SPAG16: variants seen among roughly 807,000 people sequenced by gnomAD.
SPAG16 encodes the protein sperm associated antigen 16, also known as sperm-associated antigen 16 protein.
In SPAG16, 86 loss-of-function variants were observed where a neutral mutation model predicts 80.4. The observed-to-expected ratio is 1.07, with a 90% confidence interval of 0.90 to 1.28. The LOEUF (loss-of-function observed/expected upper bound fraction) is 1.28. Ranked by LOEUF, SPAG16 falls within the 50% of genes most tolerant of loss-of-function variation. The probability of loss-of-function intolerance (pLI) is 0.00; values close to 1 mark genes in which losing one functional copy is unlikely to be tolerated. For missense variants in SPAG16, 870 were observed against 765.3 expected (o/e 1.14, Z -1.61); for synonymous variants, 294 against 265.9 (o/e 1.11, Z -1.03).
chr2:214,231,732 A>G (rs1273953449), intron 15 of SPAG16, among the ~76,000 whole-genome samples: 2 of 152,036 alleles, frequency 1.3e-5, no homozygotes, highest in East Asian at 3.9e-4. Flanking sequence ...AAGAGGCATT[A>G]TATTTTCCTT....
chr2:214,332,489 T>C (rs906624752), intron 15 of SPAG16, among the ~76,000 whole-genome samples: 6 of 152,190 alleles, frequency 3.9e-5, no homozygotes, highest in African/African-American at 1.4e-4. Context: ...TCTTTGATGG[T>C]AGATGCTCTC....
intron 15 of SPAG16, among the ~76,000 whole-genome samples, chr2:214,175,302 A>AAT (rs1338809385): frequency 7.2e-5 from 5 of 69,400 alleles, no homozygotes; most frequent in Non-Finnish European, 1.8e-4. Context: ...TATATAAAGA[A>AAT]ATATATATAT....
chr2:214,023,164 T>TAA (rs1293163955), intron 13 of SPAG16, among the ~76,000 whole-genome samples: 1 of 152,016 alleles, frequency 6.6e-6, no homozygotes, highest in African/African-American at 2.4e-5. Flanking sequence ...GGTAATCACT[T>TAA]ATGTTCAACA....
At chr2:214,056,892 T>A (rs936865494) in intron 13 of SPAG16, among the ~76,000 whole-genome samples, 1 of 152,154 alleles carries the variant, frequency 6.6e-6, no homozygotes, top group Non-Finnish European at 1.5e-5. Context: ...TCCCCAGGAG[T>A]AGATTCCATC....
intron 3 of SPAG16, among the ~76,000 whole-genome samples, chr2:213,303,971 T>C (rs957576290): frequency 6.6e-6 from 1 of 152,140 alleles, no homozygotes; most frequent in Non-Finnish European, 1.5e-5. Context: ...CTGTTCTTTA[T>C]AGTGGTTGTA....
chr2:213,845,619 A>G (rs1300131915), intron 10 of SPAG16, among the ~76,000 whole-genome samples: 2 of 152,234 alleles, frequency 1.3e-5, no homozygotes, highest in African/African-American at 4.8e-5. Flanking sequence ...TTTATGATAC[A>G]GTGTTATAAA....
intron 10 of SPAG16, among the ~76,000 whole-genome samples, chr2:213,556,629 C>T (rs2059434926): frequency 6.6e-6 from 1 of 151,990 alleles, no homozygotes; most frequent in South Asian, 2.1e-4. Context: ...AAAGAGGCTG[C>T]AATACAATAA....
At chr2:213,558,174 T>A (rs2059488099) in intron 10 of SPAG16, among the ~76,000 whole-genome samples, 1 of 152,150 alleles carries the variant, frequency 6.6e-6, no homozygotes, top group Non-Finnish European at 1.5e-5. Flanking sequence ...CCTGATAAAG[T>A]AACTATGTGA....
At chr2:213,670,101 C>T (rs192000461) in intron 10 of SPAG16, among the ~76,000 whole-genome samples, 53 of 152,012 alleles carry the variant, frequency 3.5e-4, no homozygotes, top group African/African-American at 1.2e-3. Context: ...GGGTTCACGC[C>T]CTTCTGCCTC....
intron 14 of SPAG16, among the ~76,000 whole-genome samples, chr2:214,140,943 G>T (rs1415728159): frequency 7.7e-5 from 7 of 90,492 alleles, no homozygotes; most frequent in South Asian, 1.1e-3. Context: ...TGGGGGGGGG[G>T]GGGTGGGGGG....
chr2:214,109,628 A>G (rs11685260), intron 14 of SPAG16, among the ~76,000 whole-genome samples: 33,428 of 152,150 alleles, frequency 0.22, 4,122 homozygotes, highest in Non-Finnish European at 0.28. Context: ...TCCAATTGAA[A>G]TTGTGCTTGT....
At chr2:213,788,343 CAT>C (rs1207877591) in intron 10 of SPAG16, among the ~76,000 whole-genome samples, 1 of 151,818 alleles carries the variant, frequency 6.6e-6, no homozygotes, top group East Asian at 1.9e-4. Context: ...ATACAAATCT[CAT>C]ATGAGTAAGT....
intron 8 of SPAG16, chr2:213,364,379 G>C (rs917370157): frequency 4.2e-6 from 1 of 240,550 alleles, no homozygotes; most frequent in Non-Finnish European, 8.1e-6. Context: ...CATTATACCT[G>C]GTACCAGACT....
At chr2:213,841,817 C>A (rs1002329946) in intron 10 of SPAG16, among the ~76,000 whole-genome samples, 12 of 152,018 alleles carry the variant, frequency 7.9e-5, no homozygotes, top group Admixed American at 5.2e-4. Context: ...CCTAGTGGCA[C>A]AAATATTAAT....
At chr2:214,129,317 G>A (rs754726625) in intron 14 of SPAG16, among the ~76,000 whole-genome samples, 4 of 152,102 alleles carry the variant, frequency 2.6e-5, no homozygotes, top group Non-Finnish European at 4.4e-5. Flanking sequence ...AATCGTCAAG[G>A]TAGTATGTCA....
intron 10 of SPAG16, among the ~76,000 whole-genome samples, chr2:213,642,703 C>A (rs2075702536): frequency 1.6e-5 from 1 of 61,914 alleles, no homozygotes; most frequent in Non-Finnish European, 3.2e-5. Context: ...CGCCTGTAGT[C>A]CCAGCTACTT....
At chr2:214,246,751 A>G (rs908606848) in intron 15 of SPAG16, among the ~76,000 whole-genome samples, 9 of 150,680 alleles carry the variant, frequency 6.0e-5, no homozygotes, top group South Asian at 2.1e-4. Flanking sequence ...AATGTTAAAT[A>G]TAATAGAATA....
At chr2:213,817,163 A>G (rs1165630492) in intron 10 of SPAG16, among the ~76,000 whole-genome samples, 2 of 149,830 alleles carry the variant, frequency 1.3e-5, no homozygotes, top group African/African-American at 2.4e-5. Flanking sequence ...TACATATAAT[A>G]GTTTTTATTT....
chr2:214,341,194 A>AAT (rs1387092851), intron 15 of SPAG16, among the ~76,000 whole-genome samples: 1 of 152,170 alleles, frequency 6.6e-6, no homozygotes, highest in Non-Finnish European at 1.5e-5. Flanking sequence ...AGAGTTGAAA[A>AAT]ATACATATTT....
Sources: allele counts gnomAD v4.1 joint callset (sites outside exome capture counted in the v4.1 genomes callset), GRCh38; gene constraint gnomAD v4.1.1; transcripts MANE v1.5; gene names NCBI Gene and HGNC (gene_info 2026-07-23, HGNC 2026-07-21).